TM9SF3: variants seen among roughly 807,000 people sequenced by gnomAD.
TM9SF3 encodes SM-11044-binding protein.
A neutral mutation model predicts 78.6 loss-of-function variants in TM9SF3; 14 were observed. The observed-to-expected ratio is 0.18, with a 90% CI of 0.12 to 0.28. The LOEUF (loss-of-function observed/expected upper bound fraction) is 0.28, where lower values mean the gene tolerates loss of function less well. TM9SF3 is among the 10% of genes least tolerant of loss of function. TM9SF3 has a pLI of 1.00. For synonymous variants in TM9SF3, 231 were observed against 241.7 expected, an observed-to-expected ratio of 0.96 and a Z score of 0.41; for missense variants, 496 against 721.9, an observed-to-expected ratio of 0.69 and a Z score of 3.59.
Position 96,533,531 on chromosome 10 carries a change from C to T in TM9SF3, c.1186-341G>A, listed in dbSNP as rs1157305829. On this transcript the variant is annotated intron_variant, in intron 9 of 14. Transcript: ENST00000371142. ...ATCCATTGTCTTTCATTATTATAAC[C>T]AACTTACTTATCTGGCTATGCTTTT... 2.0e-5 allele frequency among the ~76,000 whole-genome samples: 3 copies of T among 152,086 alleles called. No individual in the cohort carries two copies. The East Asian group carries it at 5.8e-4, about 29-fold the overall frequency.
intron 2 of TM9SF3, among the ~76,000 whole-genome samples, chr10:96,573,329 G>T (rs1848460108): frequency 6.6e-6 from 1 of 152,086 alleles, no homozygotes; most frequent in Non-Finnish European, 1.5e-5. Context: ...TTAATGTTTG[G>T]CTAAGTGACA....
At position 96,522,119 on chromosome 10, in the gene TM9SF3, T is replaced by TTTAAC; in HGVS notation, c.*143_*144insGTTAA. The TTTAAC allele has an allele frequency of 1.5e-6, 1 of 663,946 alleles. No individual in the cohort carries two copies. Among genetic ancestry groups the TTTAAC allele is most frequent in the Non-Finnish European group, 2.6e-6 (1 of 382,568 alleles). The allele number at this position is 663,946 out of a possible 1,614,324, so 41.1% of individuals were successfully genotyped here. On this transcript the variant is annotated 3_prime_UTR_variant, in exon 15 of 15. Coordinates refer to ENST00000371142, the MANE Select transcript of TM9SF3 (RefSeq NM_020123.4). ...TAGGATCAATGGAAATAGATGTTAC[T>TTTAAC]TTAAGCCACCGACGAAAGAGAGACC...
At chr10:96,569,108 C>T (rs2134155444) in intron 2 of TM9SF3, among the ~76,000 whole-genome samples, 1 of 152,232 alleles carries the variant, frequency 6.6e-6, no homozygotes, top group South Asian at 2.1e-4. Context: ...GAGGTCGAGG[C>T]TGCAGTAAGC....
chr10:96,551,304 C>G lies in TM9SF3; in HGVS notation c.900G>C (p.Gln300His). ...TAACGATGAGAGACACAGCAAATAT[C>G]TGACATCCAGAACCAATCAGAGAGG... ...IFSSLIGSGC[Q>H]IFAVSLIVII... The change falls in exon 7 of 15, where the codon CAG (glutamine) becomes CAC (histidine). Residue 300 changes from glutamine (Q) to histidine (H), a missense_variant. This residue lies in a region of TM9SF3 where 280 missense variants were observed against 422.6 expected (regional missense o/e 0.66). Coordinates refer to ENST00000371142, the MANE Select transcript of TM9SF3 (RefSeq NM_020123.4). The G allele has an allele frequency of 6.2e-7, 1 of 1,612,934 alleles. No individual in the cohort carries two copies. Among genetic ancestry groups the G allele is most frequent in the Non-Finnish European group, 8.5e-7 (1 of 1,179,610 alleles).
Position 96,586,762 on chromosome 10 carries a change from CG to C in TM9SF3, c.73del (p.Arg25GlyfsTer21). On this transcript the variant is annotated frameshift_variant, in exon 1 of 15. Coordinates refer to ENST00000371142, the MANE Select transcript of TM9SF3 (RefSeq NM_020123.4). LOFTEE classifies it high-confidence loss of function. ...ALWLLLLLLP[R>X]TRADEHEHTY... is the part of the protein sequence containing the mutation. ...GTGTTCGTGCTCGTCCGCCCGGGTC[CG>C]GGGCAGCAGCAGCAGCAGCAGCCAC... is the stretch of plus-strand genomic sequence containing the variant. 1.6e-6 allele frequency: 2 copies of C among 1,284,604 alleles called. No homozygotes were observed. The highest frequency in any genetic ancestry group is 2.5e-5 in the South Asian group (1 of 39,230). The allele number at this position is 1,284,604 out of a possible 1,614,324, so 79.6% of individuals were successfully genotyped here.
intron 8 of TM9SF3, among the ~76,000 whole-genome samples, chr10:96,546,083 T>C (rs1191972602): frequency 6.6e-6 from 1 of 152,208 alleles, no homozygotes; most frequent in African/African-American, 2.4e-5. Flanking sequence ...TGGATACCAC[T>C]GGCTTCAAAC....
intron 2 of TM9SF3, among the ~76,000 whole-genome samples, chr10:96,571,584 A>C (rs922369444): frequency 6.6e-5 from 10 of 152,240 alleles, no homozygotes; most frequent in Non-Finnish European, 1.5e-4. Context: ...CCGCATGGTG[A>C]AGATAAGAAC....
At chr10:96,543,916 G>A (rs7916172) in intron 9 of TM9SF3, 160 bp downstream of exon 9, 6,509 of 592,310 alleles carry the variant, frequency 0.011, 319 homozygotes, top group African/African-American at 0.11. Context: ...TTTTATGGAG[G>A]CTAACAACAG....
At chr10:96,551,045 T>C (rs1848163504) in intron 7 of TM9SF3, among the ~76,000 whole-genome samples, 200 bp downstream of exon 7, 1 of 152,240 alleles carries the variant, frequency 6.6e-6, no homozygotes, top group South Asian at 2.1e-4. Flanking sequence ...TCAGTAATGC[T>C]ACTAAGTTTT....
rs780128178 is a variant in TM9SF3 at position 96,527,502 on chromosome 10, G to A, written c.1542-6C>T. 7 of 1,600,450 alleles carry A rather than the reference G, an allele frequency of 4.4e-6. No homozygotes were observed. The Middle Eastern group carries it at 6.6e-4, about 152-fold the overall frequency. Reference sequence around the variant, plus strand: ...AGAGAAAACTTGTCCATTGCCTGGTGGGGGGAGGGGGAAAGAAGATAAATC... The same window carrying A: ...AGAGAAAACTTGTCCATTGCCTGGTAGGGGGAGGGGGAAAGAAGATAAATC... On this transcript the variant is annotated splice_region_variant and splice_polypyrimidine_tract_variant and intron_variant, in intron 12 of 14. Transcript: ENST00000371142.
At chr10:96,549,037 A>G (rs1848134823) in intron 7 of TM9SF3, among the ~76,000 whole-genome samples, 1 of 152,114 alleles carries the variant, frequency 6.6e-6, no homozygotes, top group Admixed American at 6.6e-5. Flanking sequence ...TATTTAGCCT[A>G]CACCTGCCAC....
intron 5 of TM9SF3, among the ~76,000 whole-genome samples, chr10:96,559,064 T>C (rs12248288): frequency 0.031 from 4,795 of 152,288 alleles, 252 homozygotes; most frequent in African/African-American, 0.11. Context: ...GCTGGGGAAC[T>C]GGGAGGCCAT....
At chr10:96,524,560 C>T (rs1200176764) in intron 14 of TM9SF3, among the ~76,000 whole-genome samples, 1 of 151,624 alleles carries the variant, frequency 6.6e-6, no homozygotes, top group African/African-American at 2.4e-5. Flanking sequence ...TTATGAGTAC[C>T]TCAAGAATAA....
In TM9SF3 at chr10:96,547,826, C is replaced by G. The variant is rs1470307964; in HGVS notation, c.1054+69G>C. The stretch of plus-strand genomic sequence containing the variant: ...TGGAGTGAGACTCTCTCAAAACAAA[C>G]AAAAAAAATCTCATAGTAAAATATT... On this transcript the variant is annotated intron_variant, in intron 8 of 14. Transcript: ENST00000371142. The G allele has an allele frequency of 2.9e-6, 4 of 1,375,714 alleles. No individual in the cohort carries two copies. In the East Asian group the frequency reaches 9.2e-5, roughly 32 times the overall value. The allele number at this position is 1,375,714 out of a possible 1,614,324, so 85.2% of individuals were successfully genotyped here. A position where few individuals can be genotyped will look rare whatever the true frequency, so the allele number is the denominator to read the frequency against.
Position 96,530,339 on chromosome 10 carries a change from T to G in TM9SF3, c.1394+201A>C, listed in dbSNP as rs1847881751. Among the ~76,000 whole-genome samples, 2 of 152,170 alleles carry G rather than the reference T, an allele frequency of 1.3e-5. 1 individual carries two copies. The highest frequency in any genetic ancestry group is 2.9e-5 in the Non-Finnish European group (2 of 68,010). On this transcript the variant is annotated intron_variant, in intron 11 of 14. Coordinates refer to ENST00000371142, the MANE Select transcript of TM9SF3 (RefSeq NM_020123.4). ...TAGGTGAGGGAGGTCTAGAATACAA[T>G]ACAAAAAGGTATAAACATCACTTGA... is the stretch of plus-strand genomic sequence containing the variant.
intron 6 of TM9SF3, among the ~76,000 whole-genome samples, chr10:96,552,060 G>A (rs1241952447): frequency 6.6e-6 from 1 of 152,040 alleles, no homozygotes; most frequent in Non-Finnish European, 1.5e-5. Context: ...GTTTTGGTGG[G>A]GAGAATCCTA....
In TM9SF3 at chr10:96,521,138, C is replaced by T; in HGVS notation, c.*1125G>A. The T allele has an allele frequency of 2.7e-6, 1 of 367,556 alleles. No homozygotes were observed. The highest frequency in any genetic ancestry group is 4.9e-6 in the Non-Finnish European group (1 of 205,792). The allele number at this position is 367,556 out of a possible 1,614,324, so 22.8% of individuals were successfully genotyped here. The stretch of plus-strand genomic sequence containing the variant: ...AAAATAAACAGAAGAAAACAACCCC[C>T]CTCCCAAAAGAAGTATGACACACAC... On this transcript the variant is annotated 3_prime_UTR_variant, in exon 15 of 15. Transcript: ENST00000371142.
At chr10:96,538,331 A>C (rs1847983056) in intron 9 of TM9SF3, among the ~76,000 whole-genome samples, 1 of 152,158 alleles carries the variant, frequency 6.6e-6, no homozygotes, top group Non-Finnish European at 1.5e-5. Flanking sequence ...TCATATATAA[A>C]ACAAAACAAA....
Position 96,586,980 on chromosome 10 carries a change from C to A in TM9SF3, c.-145G>T. Reference sequence around the variant, plus strand: ...GGGCCCGGCCCAGCCGCTGCCTCCTCTGCCGCCGCCGTCGCCGTCACCGCC... The same window carrying A: ...GGGCCCGGCCCAGCCGCTGCCTCCTATGCCGCCGCCGTCGCCGTCACCGCC... On this transcript the variant is annotated 5_prime_UTR_variant, in exon 1 of 15. Transcript: ENST00000371142. The A allele has an allele frequency of 1.8e-6, 1 of 559,552 alleles. No individual in the cohort carries two copies. The highest frequency in any genetic ancestry group is 2.4e-6 in the Non-Finnish European group (1 of 409,106). The allele number at this position is 559,552 out of a possible 1,614,324, so 34.7% of individuals were successfully genotyped here.
Sources: gnomAD v4.1 joint callset for allele counts (sites outside exome capture counted in the v4.1 genomes callset) on GRCh38, gnomAD v4.1.1 for gene constraint, gnomAD v4.1.1 regional missense constraint, MANE v1.5 for transcripts, NCBI Gene and HGNC (gene_info 2026-07-23, HGNC 2026-07-21) for gene names.